The following IFT172 variants were observed in gnomAD, a reference collection of about 807,000 sequenced individuals.
The protein encoded by IFT172 is intraflagellar transport protein 172 homolog.
In IFT172, 164 loss-of-function variants were observed where a neutral mutation model predicts 248.9. That is an observed-to-expected ratio of 0.66 (90% confidence interval 0.58 to 0.75). The LOEUF is 0.75. Among genes scored for constraint, IFT172 ranks in the 30% least tolerant of loss-of-function variants. The pLI, the probability that IFT172 is intolerant of heterozygous loss-of-function variation, is 0.00. For synonymous variants in IFT172, 729 were observed against 791.6 expected (o/e 0.92, Z 1.33); for missense variants, 1,950 against 2,192.4 (o/e 0.89, Z 2.21).
In IFT172 at chr2:27,485,076, T is replaced by C. The variant is rs1236871475; in HGVS notation, c.238A>G (p.Lys80Glu). 1.9e-6 allele frequency: 3 copies of C among 1,611,708 alleles called. No individual in the cohort carries two copies. The highest frequency in any genetic ancestry group is 1.7e-5 in the Admixed American group (1 of 59,996). ...TTGTCAGTCTGTCCTATGGCAATTTTAGTGGAATCAGGAGAAAAAGCCATG... is the reference window on the plus strand; with the variant it reads ...TTGTCAGTCTGTCCTATGGCAATTTCAGTGGAATCAGGAGAAAAAGCCATG... ...KGMAFSPDST[K>E]IAIGQTDNII... The change falls in exon 3 of 48, where the codon AAA becomes GAA. Residue 80 changes from lysine (K) to glutamate (E), a missense_variant. By Grantham distance (56) the Lys-to-Glu change is moderately conservative (BLOSUM62 1). Around this residue, in one of 3 missense-constraint regions of IFT172, gnomAD observed 1,166 missense variants for 1,254.1 expected, o/e 0.93. Transcript: ENST00000260570.
At position 27,476,477 on chromosome 2, in the gene IFT172, C is replaced by T. The variant is rs536286166; in HGVS notation, c.1411+164G>A. Among the ~76,000 whole-genome samples the T allele has an allele frequency of 8.5e-5, 13 of 152,260 alleles. No homozygotes were observed. The South Asian group carries it at 2.5e-3, about 29-fold the overall frequency. ...CTAGATATCCAGGTACAGATGCACACATATTGACTTAAACATTTCATATAT... is the reference window on the plus strand; with the variant it reads ...CTAGATATCCAGGTACAGATGCACATATATTGACTTAAACATTTCATATAT... On this transcript the variant is annotated intron_variant, in intron 14 of 47. Transcript: ENST00000260570.
chr2:27,446,623 C>T, intron 42 of IFT172: 1 of 292,052 alleles, frequency 3.4e-6, no homozygotes, highest in Non-Finnish European at 6.5e-6. Context: ...AAGTAATTCT[C>T]GTGCCTCAGC....
chr2:27,458,593 G>A (rs971631833), intron 26 of IFT172, among the ~76,000 whole-genome samples, 186 bp downstream of exon 26: 1 of 152,178 alleles, frequency 6.6e-6, no homozygotes. Flanking sequence ...GATAGGTCTG[G>A]AAACAAGGGC....
intron 13 of IFT172, 116 bp from the exon 14 acceptor site, chr2:27,476,842 G>T: frequency 1.5e-6 from 1 of 668,762 alleles, no homozygotes; most frequent in Non-Finnish European, 2.6e-6. Flanking sequence ...TTTATTTTGA[G>T]ACAGGGTCTC....
Position 27,458,767 on chromosome 2 carries a change from A to T in IFT172, c.2877+12T>A. 1 of 1,613,534 alleles carries T rather than the reference A, an allele frequency of 6.2e-7. No individual in the cohort carries two copies. Among genetic ancestry groups the T allele is most frequent in the South Asian group, 1.1e-5 (1 of 91,020 alleles). ...GCAGAGTTCTCTTATCATGAACTCCACCCATCCCTACCTTGTGGGCTTGTT... is the reference window on the plus strand; with the variant it reads ...GCAGAGTTCTCTTATCATGAACTCCTCCCATCCCTACCTTGTGGGCTTGTT... On this transcript the variant is annotated intron_variant, in intron 26 of 47. Coordinates refer to ENST00000260570, the MANE Select transcript of IFT172 (RefSeq NM_015662.3).
At chr2:27,464,666 T>A (rs1285886044) in intron 18 of IFT172, among the ~76,000 whole-genome samples, 1 of 152,166 alleles carries the variant, frequency 6.6e-6, no homozygotes, top group Non-Finnish European at 1.5e-5. Context: ...TCAGCCAGGC[T>A]GGAGTGCAGT....
In IFT172 at chr2:27,449,574, T is replaced by A. The variant is rs2148477846; in HGVS notation, c.4161-12A>T. The A allele has an allele frequency of 6.2e-7, 1 of 1,614,176 alleles. No homozygotes were observed. The highest frequency in any genetic ancestry group is 2.2e-5 in the East Asian group (1 of 44,888). ...CATAGTCTTCATACCTGTGAAGATGTTCAGAGAGCTCCATCTTCATGTTCC... is the reference window on the plus strand; with the variant it reads ...CATAGTCTTCATACCTGTGAAGATGATCAGAGAGCTCCATCTTCATGTTCC... On this transcript the variant is annotated splice_polypyrimidine_tract_variant and intron_variant, in intron 37 of 47. Coordinates refer to ENST00000260570, the MANE Select transcript of IFT172 (RefSeq NM_015662.3).
At chr2:27,468,477 G>A (rs1168852522) in intron 16 of IFT172, among the ~76,000 whole-genome samples, 1 of 151,926 alleles carries the variant, frequency 6.6e-6, no homozygotes, top group East Asian at 2.0e-4. Context: ...CAAGTGATCC[G>A]CCTGTCTCAG....
At chr2:27,485,292 A>C (rs1668677725) in intron 2 of IFT172, 68 bp downstream of exon 2, 2 of 1,604,584 alleles carry the variant, frequency 1.2e-6, no homozygotes, top group Non-Finnish European at 1.7e-6. Context: ...TAGAAGGCAG[A>C]CTACGTCTTT....
In IFT172 at chr2:27,454,179, A is replaced by T. The variant is rs779379775; in HGVS notation, c.3531-17T>A. The T allele has an allele frequency of 6.2e-7, 1 of 1,609,130 alleles. No individual in the cohort carries two copies. The highest frequency in any genetic ancestry group is 1.1e-5 in the South Asian group (1 of 90,568). ...TGGACAAACCTGCCTCCAGGTGGGG[A>T]CAGAGGAGAGACTGAGTATAGGACT... On this transcript the variant is annotated splice_polypyrimidine_tract_variant and intron_variant, in intron 32 of 47. Coordinates refer to ENST00000260570, the MANE Select transcript of IFT172 (RefSeq NM_015662.3). This position sits in a 1 kb window ranked among gnomAD's most constrained non-coding sequence, Gnocchi z 4.2.
chr2:27,489,525 A>G, intron 1 of IFT172, 90 bp downstream of exon 1: 2 of 946,034 alleles, frequency 2.1e-6, no homozygotes, highest in Non-Finnish European at 3.4e-6. Context: ...TTCTGCACAC[A>G]GTAGGAGGTC....
At chr2:27,449,873 T>C in intron 36 of IFT172, 73 bp from the exon 37 acceptor site, 2 of 1,440,544 alleles carry the variant, frequency 1.4e-6, no homozygotes, top group South Asian at 1.2e-5. Flanking sequence ...CTCCCATCTG[T>C]TTCCCCAGGA....
intron 1 of IFT172, 126 bp downstream of exon 1, chr2:27,489,489 A>G: frequency 1.5e-6 from 1 of 677,450 alleles, no homozygotes; most frequent in Non-Finnish European, 2.6e-6. Flanking sequence ...GCCAAGATCC[A>G]GATCATCGCT....
Position 27,461,369 on chromosome 2 carries a change from T to C in IFT172, c.2342A>G (p.Lys781Arg). The C allele has an allele frequency of 1.2e-6, 2 of 1,614,128 alleles. No individual in the cohort carries two copies. Among genetic ancestry groups the C allele is most frequent in the African/African-American group, 1.3e-5 (1 of 75,016 alleles). ...TCGGGTCAGCACCAGCCGAGCAGCT[T>C]TGGCAGGGAGCCCAGCTTTGAGGTA... ...SLYLKAGLPA[K>R]AARLVLTREE... is the part of the protein sequence containing the mutation. Residue 781 changes from lysine to arginine, a missense_variant, in exon 22 of 48, where the codon AAA (lysine) becomes AGA (arginine). Physicochemically the swap from Lys to Arg is conservative, Grantham distance 26. Transcript: ENST00000260570.
At chr2:27,450,185 C>A in intron 35 of IFT172, 89 bp from the exon 36 acceptor site, 2 of 989,240 alleles carry the variant, frequency 2.0e-6, no homozygotes, top group Non-Finnish European at 3.1e-6. Flanking sequence ...TTTTTCTCCT[C>A]CAGATGCCAA....
Position 27,477,203 on chromosome 2 carries a change from T to A in IFT172, c.1325+14A>T, listed in dbSNP as rs755248606. On this transcript the variant is annotated intron_variant, in intron 13 of 47. Transcript: ENST00000260570. Reference sequence around the variant, plus strand: ...TTCTGGGTTTCAGGGATTCAGAGAATCTTGTGAGGTTACCTGATGAGGTGG... The same window carrying A: ...TTCTGGGTTTCAGGGATTCAGAGAAACTTGTGAGGTTACCTGATGAGGTGG... 11 of 1,602,382 alleles carry A rather than the reference T, an allele frequency of 6.9e-6. No individual in the cohort carries two copies. Among genetic ancestry groups the A allele is most frequent in the Non-Finnish European group, 8.6e-6 (10 of 1,169,342 alleles).
At chr2:27,471,198 A>G (rs530869846) in intron 15 of IFT172, 103 bp from the exon 16 acceptor site, 2 of 1,105,856 alleles carry the variant, frequency 1.8e-6, no homozygotes, top group African/African-American at 3.2e-5. Flanking sequence ...CTAACCCACC[A>G]CTCAGGTTCA....
At position 27,481,181 on chromosome 2, in the gene IFT172, C is replaced by G. The variant is rs777862424; in HGVS notation, c.650G>C (p.Arg217Pro). The G allele has an allele frequency of 6.2e-7, 1 of 1,613,056 alleles. No individual in the cohort carries two copies. Among genetic ancestry groups the G allele is most frequent in the Non-Finnish European group, 8.5e-7 (1 of 1,180,002 alleles). ...TTCTTTTCCATAGGCTACAATTTTC[C>G]GATCACAGCCTGCAGCCACGATGCT... ...TNSIVAAGCD[R>P]KIVAYGKEGH... Residue 217 changes from arginine (R) to proline (P), a missense_variant, in exon 8 of 48, where the codon CGG becomes CCG. Physicochemically the swap from Arg to Pro is moderately radical, Grantham distance 103. Coordinates refer to ENST00000260570, the MANE Select transcript of IFT172 (RefSeq NM_015662.3).
chr2:27,449,618 G>A, intron 37 of IFT172, 56 bp from the exon 38 acceptor site: 1 of 1,612,288 alleles, frequency 6.2e-7, no homozygotes, highest in Non-Finnish European at 8.5e-7. Flanking sequence ...AACCCTCCCG[G>A]TAAGACTTTC....
Sources: allele counts gnomAD v4.1 joint callset (sites outside exome capture counted in the v4.1 genomes callset), GRCh38; gene constraint gnomAD v4.1.1; regional missense constraint gnomAD v4.1.1; non-coding constraint Gnocchi (gnomAD v3.1); transcripts MANE v1.5; gene names NCBI Gene and HGNC (gene_info 2026-07-23, HGNC 2026-07-21).